TJP1: variants seen among roughly 807,000 people sequenced by gnomAD.
TJP1 encodes the protein tight junction protein 1, also known as tight junction protein ZO-1.
Under a neutral mutation model 194.2 loss-of-function variants are expected in TJP1, and 43 were observed. The ratio of observed to expected loss-of-function variants is 0.22; its 90% CI spans 0.17 to 0.29. The LOEUF is 0.29. Among genes scored for constraint, TJP1 ranks in the 10% least tolerant of loss-of-function variants. The pLI is 1.00. For missense variants in TJP1, 1,971 were observed against 2,185.7 expected (o/e 0.90, Z 1.96); for synonymous variants, 801 against 779.0 (o/e 1.03, Z -0.47).
chr15:29,767,323 T>C (rs2046388610), intron 4 of TJP1, among the ~76,000 whole-genome samples: 1 of 152,224 alleles, frequency 6.6e-6, no homozygotes, highest in Admixed American at 6.5e-5. Flanking sequence ...GACCTCACTG[T>C]AGTTCTACAG....
At chr15:29,876,459 T>G (rs2052703849) in intron 2 of TJP1, among the ~76,000 whole-genome samples, 1 of 151,706 alleles carries the variant, frequency 6.6e-6, no homozygotes, top group African/African-American at 2.4e-5. Context: ...AGTTGGAGGT[T>G]GCAGTGAGCC....
At chr15:29,760,346 A>G in intron 8 of TJP1, 1 of 678,706 alleles carries the variant, frequency 1.5e-6, no homozygotes, top group Non-Finnish European at 2.7e-6. Context: ...ATATACTACC[A>G]GTATACCAGA....
chr15:29,844,288 C>G (rs186569193), intron 2 of TJP1, among the ~76,000 whole-genome samples: 11 of 152,134 alleles, frequency 7.2e-5, no homozygotes, highest in African/African-American at 2.4e-4. Flanking sequence ...AGGCTGATCT[C>G]GAACACCTGA....
intron 2 of TJP1, among the ~76,000 whole-genome samples, chr15:29,859,005 T>G (rs2051970138): frequency 6.6e-6 from 1 of 152,180 alleles, no homozygotes; most frequent in Non-Finnish European, 1.5e-5. Flanking sequence ...AAGAATTATT[T>G]CTAGCAATAG....
chr15:29,715,772 C>T (rs1190855655), intron 23 of TJP1, among the ~76,000 whole-genome samples: 1 of 152,130 alleles, frequency 6.6e-6, no homozygotes, highest in East Asian at 1.9e-4. Context: ...CTCACACTCC[C>T]CAGTAGCTCA....
chr15:29,925,834 T>C (rs552926572), intron 2 of TJP1, among the ~76,000 whole-genome samples: 1 of 152,332 alleles, frequency 6.6e-6, no homozygotes, highest in African/African-American at 2.4e-5. Context: ...CAAGCAGATC[T>C]TGACTGTCAC....
At chr15:29,907,530 A>G (rs1195784172) in intron 2 of TJP1, among the ~76,000 whole-genome samples, 2 of 152,208 alleles carry the variant, frequency 1.3e-5, no homozygotes, top group African/African-American at 4.8e-5. Context: ...ATTATGCACA[A>G]TTTCGGAGGT....
intron 27 of TJP1, 89 bp downstream of exon 27, chr15:29,704,072 CT>C: frequency 7.2e-7 from 1 of 1,386,400 alleles, no homozygotes; most frequent in Non-Finnish European, 9.8e-7. Context: ...TAGAGATTTG[CT>C]AACACACAGC....
intron 2 of TJP1, among the ~76,000 whole-genome samples, chr15:29,878,109 G>A (rs2052777423): frequency 6.6e-6 from 1 of 151,998 alleles, no homozygotes; most frequent in South Asian, 2.1e-4. Context: ...GAGTGCAGTG[G>A]TGCGATCTCA....
intron 2 of TJP1, among the ~76,000 whole-genome samples, chr15:29,949,543 C>A (rs1567225301): frequency 2.1e-5 from 3 of 144,828 alleles, no homozygotes; most frequent in African/African-American, 7.6e-5. Context: ...CCACCACCAC[C>A]ACCTCCACAA....
intron 23 of TJP1, among the ~76,000 whole-genome samples, chr15:29,714,537 C>CT (rs58378713): frequency 0.047 from 4,174 of 88,978 alleles, 347 homozygotes; most frequent in Non-Finnish European, 0.058. Flanking sequence ...TGCGCCCAGC[C>CT]TTTTTTTTTT....
chr15:29,892,858 G>A (rs2053357039), intron 2 of TJP1, among the ~76,000 whole-genome samples: 1 of 152,190 alleles, frequency 6.6e-6, no homozygotes. Context: ...TTTCATGACT[G>A]CTAACATAAT....
At chr15:29,715,527 G>C (rs898457786) in intron 23 of TJP1, among the ~76,000 whole-genome samples, 6 of 152,168 alleles carry the variant, frequency 3.9e-5, no homozygotes, top group Middle Eastern at 3.2e-3. Context: ...ATGACAAATA[G>C]GTCATTTCCC....
At chr15:29,885,647 G>T (rs2053090882) in intron 2 of TJP1, among the ~76,000 whole-genome samples, 1 of 152,180 alleles carries the variant, frequency 6.6e-6, no homozygotes, top group Non-Finnish European at 1.5e-5. Flanking sequence ...AAAGAAGCAG[G>T]GGAAAGAAAA....
chr15:29,820,013 A>G (rs1258669938), intron 1 of TJP1, among the ~76,000 whole-genome samples: 2 of 152,354 alleles, frequency 1.3e-5, no homozygotes, highest in East Asian at 3.9e-4. Flanking sequence ...GAAAGCAAAG[A>G]TAATCTAAAC....
Position 29,822,018 on chromosome 15 carries a change from C to CT in TJP1, c.10dup (p.Arg4LysfsTer41). On this transcript the variant is annotated frameshift_variant, in exon 1 of 28. Coordinates refer to ENST00000614355, the MANE Select transcript of TJP1 (RefSeq NM_001330239.4). LOFTEE classifies it high-confidence loss of function. ...GGCGCTCACCTTGGCGGCCGCAGCT[C>CT]TGGCGGACATCTTGTCTCTCTCCAG... is the stretch of plus-strand genomic sequence containing the variant. 7.4e-7 allele frequency: 1 copy of CT among 1,354,704 alleles called. No individual in the cohort carries two copies. Among genetic ancestry groups the CT allele is most frequent in the Non-Finnish European group, 9.5e-7 (1 of 1,050,506 alleles). The allele number at this position is 1,354,704 out of a possible 1,614,324, so 83.9% of individuals were successfully genotyped here.
chr15:29,880,775 C>A (rs908695615), intron 2 of TJP1, among the ~76,000 whole-genome samples: 13 of 152,154 alleles, frequency 8.5e-5, no homozygotes, highest in Non-Finnish European at 1.5e-4. Flanking sequence ...GCAGGATTTC[C>A]TTCTCTTTTT....
At chr15:29,936,655 T>C (rs12164931) in intron 2 of TJP1, among the ~76,000 whole-genome samples, 4,188 of 152,276 alleles carry the variant, frequency 0.028, 167 homozygotes, top group African/African-American at 0.089. Flanking sequence ...GTCCAATCAG[T>C]GTCCTGACAA....
chr15:29,720,841 G>T (rs1401593728), intron 18 of TJP1, 133 bp from the exon 19 acceptor site: 14 of 717,772 alleles, frequency 2.0e-5, no homozygotes, highest in Non-Finnish European at 3.1e-5. Context: ...CTTCTGGTAA[G>T]GAAAAGTCAA....
Sources: allele counts gnomAD v4.1 joint callset (sites outside exome capture counted in the v4.1 genomes callset), GRCh38; gene constraint gnomAD v4.1.1; transcripts MANE v1.5; gene names NCBI Gene and HGNC (gene_info 2026-07-23, HGNC 2026-07-21).